The following SPAG9 variants were observed in gnomAD, a reference collection of about 807,000 sequenced individuals.
SPAG9 encodes the protein C-Jun-amino-terminal kinase-interacting protein 4.
Under a neutral mutation model 166.5 loss-of-function variants are expected in SPAG9, and 35 were observed. That is an observed-to-expected ratio of 0.21 (90% confidence interval 0.16 to 0.28). SPAG9 has a LOEUF of 0.28. Among genes scored for constraint, SPAG9 ranks in the 10% least tolerant of loss-of-function variants. The pLI is 1.00. For missense variants in SPAG9, 1,235 were observed against 1,603.3 expected (o/e 0.77, Z 3.92); for synonymous variants, 534 against 565.5 (o/e 0.94, Z 0.79).
intron 28 of SPAG9, among the ~76,000 whole-genome samples, chr17:50,971,071 G>C (rs1412407895): frequency 6.6e-6 from 1 of 152,172 alleles, no homozygotes; most frequent in Non-Finnish European, 1.5e-5. Context: ...TCACACCTTC[G>C]AGAGGCCGAA....
At chr17:51,036,608 C>T (rs1051110223) in intron 5 of SPAG9, among the ~76,000 whole-genome samples, 1 of 152,082 alleles carries the variant, frequency 6.6e-6, no homozygotes, top group East Asian at 1.9e-4. Flanking sequence ...ACACTCTATA[C>T]CTGGGACCTC....
intron 1 of SPAG9, among the ~76,000 whole-genome samples, chr17:51,115,262 C>G (rs2049251224): frequency 6.6e-6 from 1 of 152,100 alleles, no homozygotes; most frequent in South Asian, 2.1e-4. Flanking sequence ...CATGATAACT[C>G]ACTGCAGTCT....
At chr17:51,048,052 T>G (rs995194744) in intron 3 of SPAG9, among the ~76,000 whole-genome samples, 1 of 152,136 alleles carries the variant, frequency 6.6e-6, no homozygotes, top group Non-Finnish European at 1.5e-5. Flanking sequence ...CTTTGACTGT[T>G]ACTGGTATCA....
intron 2 of SPAG9, among the ~76,000 whole-genome samples, chr17:51,070,388 C>T (rs1413528510): frequency 3.3e-5 from 5 of 152,184 alleles, no homozygotes; most frequent in Non-Finnish European, 7.4e-5. Context: ...TTCTCCAATT[C>T]TATTGACATT....
At chr17:51,060,201 G>C (rs765425117) in intron 2 of SPAG9, among the ~76,000 whole-genome samples, 1 of 151,802 alleles carries the variant, frequency 6.6e-6, no homozygotes, top group Non-Finnish European at 1.5e-5. Context: ...TGGGGGATAG[G>C]GCCTTTAAGA....
intron 2 of SPAG9, among the ~76,000 whole-genome samples, chr17:51,075,865 G>A (rs1375614663): frequency 6.6e-6 from 1 of 151,928 alleles, no homozygotes; most frequent in African/African-American, 2.4e-5. Context: ...GGAGGCCGAG[G>A]CATGTGGATC....
intron 4 of SPAG9, chr17:51,046,495 A>T: frequency 2.0e-6 from 3 of 1,532,192 alleles, no homozygotes; most frequent in Non-Finnish European, 2.6e-6. Context: ...GAGAGATGGG[A>T]GTACCTGAGT....
At chr17:51,116,749 G>C (rs1366336716) in intron 1 of SPAG9, among the ~76,000 whole-genome samples, 1 of 152,152 alleles carries the variant, frequency 6.6e-6, no homozygotes, top group Admixed American at 6.6e-5. Context: ...AGGCGATTGA[G>C]ACTCTGTCTC....
Position 50,965,972 on chromosome 17 carries a change from C to A in SPAG9, c.*300G>T. ...ATCAAATGAAGTGAATGACATTAGA[C>A]TGTGGCAGAGTAAACCACATCTGGA... On this transcript the variant is annotated 3_prime_UTR_variant, in exon 30 of 30. Coordinates refer to ENST00000262013, the MANE Select transcript of SPAG9 (RefSeq NM_001130528.3). 1 of 289,390 alleles carries A rather than the reference C, an allele frequency of 3.5e-6. No homozygotes were observed. The highest frequency in any genetic ancestry group is 4.6e-5 in the South Asian group (1 of 21,556). The allele number at this position is 289,390 out of a possible 1,614,324, so 17.9% of individuals were successfully genotyped here.
rs191768173 is a variant in SPAG9 at position 51,093,318 on chromosome 17, T to C, written c.304-13614A>G. 2.2e-4 allele frequency among the ~76,000 whole-genome samples: 33 copies of C among 152,272 alleles called. No individual in the cohort carries two copies. In the East Asian group the frequency reaches 6.2e-3, roughly 28 times the overall value. On this transcript the variant is annotated intron_variant, in intron 1 of 29. Transcript: ENST00000262013. ...AAAAGCAAATATGCAGAAAGGGGCA[T>C]GTACAAAGACATTCATTGAAGGGCT...
At chr17:50,996,827 C>T in intron 15 of SPAG9, 133 bp from the exon 16 acceptor site, 1 of 852,190 alleles carries the variant, frequency 1.2e-6, no homozygotes, top group Non-Finnish European at 1.8e-6. Flanking sequence ...TTTATTTCAA[C>T]TATAACAGCT....
At chr17:51,098,256 A>T (rs1201720908) in intron 1 of SPAG9, among the ~76,000 whole-genome samples, 2 of 152,060 alleles carry the variant, frequency 1.3e-5, no homozygotes, top group African/African-American at 4.8e-5. Flanking sequence ...CCCAATCACC[A>T]TGCTCATGAA....
chr17:50,977,049 T>C, intron 27 of SPAG9, 59 bp downstream of exon 27: 1 of 1,077,230 alleles, frequency 9.3e-7, no homozygotes, highest in South Asian at 1.3e-5. Flanking sequence ...ATTTCAGACA[T>C]AACTATTTCC....
At chr17:51,085,357 A>G (rs1395124139) in intron 1 of SPAG9, 1 of 152,242 alleles carries the variant, frequency 6.6e-6, no homozygotes, top group Non-Finnish European at 1.5e-5. Context: ...GACCAAGTTC[A>G]GCTTCAGAAG....
rs2049445318 is a variant in SPAG9 at position 51,120,397 on chromosome 17, G to C, written c.260C>G (p.Thr87Ser). 1 of 1,610,232 alleles carries C rather than the reference G, an allele frequency of 6.2e-7. No homozygotes were observed. The highest frequency in any genetic ancestry group is 1.3e-5 in the African/African-American group (1 of 74,804). The stretch of plus-strand genomic sequence containing the variant: ...CAGCGCCTTCTCCCGCTCGTACTGG[G>C]TGATGAGCTGCTCGTTGTCGTCCCG... ...LLRDDNEQLI[T>S]QYEREKALRK... The change falls in exon 1 of 30, where the codon ACC becomes AGC. Residue 87 changes from threonine to serine, a missense_variant. Physicochemically the swap from Thr to Ser is moderately conservative, Grantham distance 58. Around this residue, in one of 6 missense-constraint regions of SPAG9, gnomAD observed 83 missense variants for 149.8 expected, o/e 0.55. Transcript: ENST00000262013. This position sits in a 1 kb window ranked among gnomAD's most constrained non-coding sequence, Gnocchi z 4.7.
At chr17:51,078,937 T>C (rs1200277753) in intron 2 of SPAG9, among the ~76,000 whole-genome samples, 7 of 152,198 alleles carry the variant, frequency 4.6e-5, no homozygotes. Context: ...AATGGAGCTT[T>C]GTGTACTTGA....
chr17:51,095,296 T>TAAA (rs71149343), intron 1 of SPAG9, among the ~76,000 whole-genome samples: 35 of 83,514 alleles, frequency 4.2e-4, no homozygotes, highest in African/African-American at 2.0e-3. Flanking sequence ...ACTCCATCTT[T>TAAA]AAAAAAAAAA....
chr17:51,004,143 T>C (rs1000238485), intron 12 of SPAG9, among the ~76,000 whole-genome samples: 5 of 152,180 alleles, frequency 3.3e-5, no homozygotes, highest in African/African-American at 7.2e-5. Flanking sequence ...TATATACATA[T>C]GTGATATGAT....
At position 51,056,427 on chromosome 17, in the gene SPAG9, A is replaced by C; in HGVS notation, c.480T>G (p.His160Gln). Residue 160 changes from histidine to glutamine, a missense_variant, in exon 3 of 30, where the codon CAT (histidine) becomes CAG (glutamine). Around this residue, in one of 6 missense-constraint regions of SPAG9, gnomAD observed 288 missense variants for 323.7 expected, o/e 0.89. Coordinates refer to ENST00000262013, the MANE Select transcript of SPAG9 (RefSeq NM_001130528.3). ...AELKKEYNAL[H>Q]QRHTEMIHNY... ...AGAAACCCACCTCAGTGTGTCTTTGATGTAATGCATTATATTCCTTCTTCA... is the reference window on the plus strand; with the variant it reads ...AGAAACCCACCTCAGTGTGTCTTTGCTGTAATGCATTATATTCCTTCTTCA... 1 of 1,605,638 alleles carries C rather than the reference A, an allele frequency of 6.2e-7. No homozygotes were observed. Among genetic ancestry groups the C allele is most frequent in the Non-Finnish European group, 8.5e-7 (1 of 1,172,604 alleles).
Sources: gnomAD v4.1 joint callset for allele counts (sites outside exome capture counted in the v4.1 genomes callset) on GRCh38, gnomAD v4.1.1 for gene constraint, gnomAD v4.1.1 regional missense constraint, Gnocchi (gnomAD v3.1) non-coding constraint, MANE v1.5 for transcripts, NCBI Gene and HGNC (gene_info 2026-07-23, HGNC 2026-07-21) for gene names.